IARS1: variants seen among roughly 807,000 people sequenced by gnomAD.
IARS1 encodes isoleucyl-tRNA synthetase 1, also known as isoleucine--tRNA ligase, cytoplasmic.
IARS1 carries 124 observed loss-of-function variants against 168.2 expected under a neutral mutation model. The ratio of observed to expected loss-of-function variants is 0.74; its 90% CI spans 0.64 to 0.86. The LOEUF (loss-of-function observed/expected upper bound fraction) is 0.86. IARS1 is among the 40% of genes least tolerant of loss of function. The probability of loss-of-function intolerance (pLI) is 0.00; values close to 1 mark genes in which losing one functional copy is unlikely to be tolerated. For synonymous variants in IARS1, 532 were observed against 529.4 expected (o/e 1.00, Z -0.07); for missense variants, 1,452 against 1,515.8 (o/e 0.96, Z 0.70).
intron 25 of IARS1, among the ~76,000 whole-genome samples, chr9:92,248,431 G>A (rs971112092): frequency 2.0e-5 from 3 of 151,740 alleles, no homozygotes; most frequent in Non-Finnish European, 2.9e-5. Flanking sequence ...TTAGCACTTC[G>A]GGAGATCGAG....
chr9:92,278,089 A>G (rs895702933), intron 8 of IARS1, 110 bp downstream of exon 8: 59 of 1,073,158 alleles, frequency 5.5e-5, no homozygotes, highest in Non-Finnish European at 8.2e-5. Flanking sequence ...ACTTAAAACT[A>G]AATTTGAATA....
intron 7 of IARS1, among the ~76,000 whole-genome samples, chr9:92,279,271 C>A (rs1020949789): frequency 6.6e-6 from 1 of 152,200 alleles, no homozygotes; most frequent in Admixed American, 6.5e-5. Flanking sequence ...ACCACAGTTT[C>A]TGATAAAGCT....
At chr9:92,231,570 T>C (rs1025732503) in intron 30 of IARS1, among the ~76,000 whole-genome samples, 2 of 150,580 alleles carry the variant, frequency 1.3e-5, no homozygotes, top group Non-Finnish European at 3.0e-5. Flanking sequence ...TGTGCCACCA[T>C]GCCCAGCTAA....
chr9:92,278,327 G>T, intron 7 of IARS1, 41 bp from the exon 8 acceptor site: 1 of 1,350,750 alleles, frequency 7.4e-7, no homozygotes, highest in Non-Finnish European at 1.1e-6. Context: ...GTTATATTCT[G>T]AACTTGGCTG....
intron 7 of IARS1, among the ~76,000 whole-genome samples, chr9:92,280,537 C>T (rs1404774727): frequency 6.6e-6 from 1 of 152,046 alleles, no homozygotes; most frequent in African/African-American, 2.4e-5. Flanking sequence ...ATTTTATGTT[C>T]TACTTTTTAT....
chr9:92,265,086 C>G lies in IARS1; in HGVS notation c.1543G>C (p.Gly515Arg). The G allele has an allele frequency of 6.2e-7, 1 of 1,613,952 alleles. No homozygotes were observed. Among genetic ancestry groups the G allele is most frequent in the South Asian group, 1.1e-5 (1 of 91,026 alleles). ...HLTIPSRCGK[G>R]SLHRISEVFD... ...ACTTCAGAGATGCGGTGCAAGGATC[C>G]CTTCCCACAGCGTGAAGGAATGGTC... The change falls in exon 16 of 34, where the codon GGA (glycine) becomes CGA (arginine). Residue 515 changes from glycine to arginine, a missense_variant. By Grantham distance (125) the Gly-to-Arg change is moderately radical (BLOSUM62 -2). Transcript: ENST00000443024.
intron 32 of IARS1, 141 bp from the exon 33 acceptor site, chr9:92,222,813 G>A: frequency 1.6e-6 from 1 of 639,626 alleles, no homozygotes; most frequent in Non-Finnish European, 2.6e-6. Flanking sequence ...CGCTGAAGAT[G>A]CAGTCCATGC....
intron 13 of IARS1, among the ~76,000 whole-genome samples, chr9:92,268,901 C>G (rs1832659424): frequency 1.3e-5 from 2 of 152,160 alleles, no homozygotes; most frequent in African/African-American, 4.8e-5. Context: ...ACTCCCAGTA[C>G]TCTTTATTCC....
chr9:92,230,858 G>A (rs72750420), intron 30 of IARS1, among the ~76,000 whole-genome samples: 4,987 of 152,234 alleles, frequency 0.033, 114 homozygotes, highest in South Asian at 0.079. Flanking sequence ...GACGTTAAAT[G>A]TTGTCATGGA....
In IARS1 at chr9:92,280,743, T is replaced by C. The variant is rs752168557; in HGVS notation, c.745+3A>G. 1 of 1,603,220 alleles carries C rather than the reference T, an allele frequency of 6.2e-7. No individual in the cohort carries two copies. Among genetic ancestry groups the C allele is most frequent in the South Asian group, 1.1e-5 (1 of 88,858 alleles). ...AATCATAAGTAACCAGCCTCCCACT[T>C]ACCTTTAATTTTCACATATTGCATT... is the stretch of plus-strand genomic sequence containing the variant. On this transcript the variant is annotated splice_donor_region_variant and intron_variant, in intron 7 of 33. Transcript: ENST00000443024.
intron 30 of IARS1, among the ~76,000 whole-genome samples, chr9:92,238,042 A>T (rs1311935671): frequency 6.6e-6 from 1 of 152,038 alleles, no homozygotes; most frequent in Non-Finnish European, 1.5e-5. Context: ...AGTAGCTGGG[A>T]CTATAGGCGC....
intron 30 of IARS1, among the ~76,000 whole-genome samples, chr9:92,233,371 C>T (rs546004652): frequency 3.3e-5 from 5 of 152,162 alleles, no homozygotes; most frequent in African/African-American, 9.7e-5. Context: ...TGTCATCCAA[C>T]GATAGTTAAT....
chr9:92,272,675 C>A (rs1833224318), intron 10 of IARS1, among the ~76,000 whole-genome samples: 1 of 152,096 alleles, frequency 6.6e-6, no homozygotes, highest in Admixed American at 6.6e-5. Context: ...CATGGTGAAA[C>A]CCTGTCTCTA....
intron 30 of IARS1, among the ~76,000 whole-genome samples, 193 bp from the exon 31 acceptor site, chr9:92,229,319 C>CAT (rs1382938579): frequency 5.3e-5 from 8 of 149,568 alleles, no homozygotes; most frequent in African/African-American, 1.0e-4. Context: ...GATATATATA[C>CAT]ATATATATAC....
Position 92,273,739 on chromosome 9 carries a change from A to G in IARS1, c.990+687T>C, listed in dbSNP as rs887824735. On this transcript the variant is annotated intron_variant, in intron 10 of 33. Transcript: ENST00000443024. ...ATTAAGCATGAAAGCAAAATGGCAG[A>G]TGAGGGCAGACTACTGCCACTGCCT... 2.0e-5 allele frequency among the ~76,000 whole-genome samples: 3 copies of G among 152,376 alleles called. No individual in the cohort carries two copies. In the South Asian group the frequency reaches 6.2e-4, roughly 32 times the overall value.
At chr9:92,225,553 C>T (rs922228657) in intron 31 of IARS1, among the ~76,000 whole-genome samples, 4 of 143,870 alleles carry the variant, frequency 2.8e-5, no homozygotes, top group African/African-American at 1.1e-4. Context: ...TGAAGCAGTA[C>T]AAGAAAGAGT....
At chr9:92,268,088 C>A in intron 14 of IARS1, 86 bp downstream of exon 14, 2 of 1,357,796 alleles carry the variant, frequency 1.5e-6, no homozygotes, top group South Asian at 1.6e-5. Flanking sequence ...AAGAAAAAAA[C>A]ACCCTATTCT....
At chr9:92,222,713 C>T in intron 32 of IARS1, 41 bp from the exon 33 acceptor site, 1 of 1,607,620 alleles carries the variant, frequency 6.2e-7, no homozygotes, top group Non-Finnish European at 8.5e-7. Context: ...CTCGAGAGTT[C>T]ACCCTCTAGC....
chr9:92,228,390 G>A (rs949872252), intron 31 of IARS1, among the ~76,000 whole-genome samples: 1 of 151,906 alleles, frequency 6.6e-6, no homozygotes, highest in African/African-American at 2.4e-5. Context: ...TCCAGACTTA[G>A]TGAGATCCAG....
Sources: allele counts gnomAD v4.1 joint callset (sites outside exome capture counted in the v4.1 genomes callset), GRCh38; gene constraint gnomAD v4.1.1; transcripts MANE v1.5; gene names NCBI Gene and HGNC (gene_info 2026-07-23, HGNC 2026-07-21).